Variants in CSMD2 observed in about 807,000 individuals in gnomAD.
The protein encoded by CSMD2 is CUB and sushi domain-containing protein 2.
A neutral mutation model predicts 398.5 loss-of-function variants in CSMD2; 130 were observed. The ratio of observed to expected loss-of-function variants is 0.33; its 90% CI spans 0.28 to 0.38. The LOEUF is 0.38. CSMD2 is among the 10% of genes least tolerant of loss of function. The pLI is 1.00. For synonymous variants in CSMD2, 1,828 were observed against 1,908.5 expected (o/e 0.96, Z 1.10); for missense variants, 3,829 against 4,764.9 (o/e 0.80, Z 5.78).
At position 34,089,272 on chromosome 1, in the gene CSMD2, A is replaced by C. The variant is rs547244439; in HGVS notation, c.188-79T>G. The C allele has an allele frequency of 2.9e-6, 4 of 1,364,068 alleles. No homozygotes were observed. In the South Asian group the frequency reaches 3.7e-5, roughly 13 times the overall value. The allele number at this position is 1,364,068 out of a possible 1,614,324, so 84.5% of individuals were successfully genotyped here. On this transcript the variant is annotated intron_variant, in intron 1 of 70. Transcript: ENST00000373381. ...TCTAGAGAGTCAGGAGCAATGTGTT[A>C]GCAAATCATGAACCCACTTTTCCAA...
chr1:33,559,275 G>C lies in CSMD2; in HGVS notation c.8554+25C>G. Reference sequence around the variant, plus strand: ...CATATAGCAGAGATGGTGGGGACTGGATTGGGAGAGAAAGGGTGACTCACT... The same window carrying C: ...CATATAGCAGAGATGGTGGGGACTGCATTGGGAGAGAAAGGGTGACTCACT... On this transcript the variant is annotated intron_variant, in intron 54 of 70. Coordinates refer to ENST00000373381, the MANE Select transcript of CSMD2 (RefSeq NM_001281956.2). The surrounding 1 kb of genome is among the most constrained non-coding windows in gnomAD (Gnocchi z 4.0). The C allele has an allele frequency of 6.5e-7, 1 of 1,532,164 alleles. No homozygotes were observed. The highest frequency in any genetic ancestry group is 8.7e-7 in the Non-Finnish European group (1 of 1,145,182). The allele number at this position is 1,532,164 out of a possible 1,614,324, so 94.9% of individuals were successfully genotyped here.
chr1:33,623,491 T>C, intron 35 of CSMD2, 25 bp from the exon 36 acceptor site: 2 of 1,572,114 alleles, frequency 1.3e-6, no homozygotes, highest in Non-Finnish European at 1.8e-6. Context: ...GAGTGAATTG[T>C]TGGTTAGGCA....
intron 13 of CSMD2, among the ~76,000 whole-genome samples, chr1:33,758,647 C>G (rs1423725479): frequency 6.6e-6 from 1 of 152,176 alleles, no homozygotes. Flanking sequence ...GTAGATCATA[C>G]TAATTGTTCA....
At chr1:33,953,005 G>T (rs1208261926) in intron 3 of CSMD2, among the ~76,000 whole-genome samples, 1 of 152,146 alleles carries the variant, frequency 6.6e-6, no homozygotes, top group Non-Finnish European at 1.5e-5. Context: ...ATGGCTGCAC[G>T]TGGCAAAAAA....
At chr1:33,958,823 A>G (rs1001358706) in intron 3 of CSMD2, among the ~76,000 whole-genome samples, 10 of 152,182 alleles carry the variant, frequency 6.6e-5, no homozygotes, top group African/African-American at 2.2e-4. Context: ...GACCCATGGA[A>G]ACTGTGCGGT....
chr1:33,913,909 G>C (rs1053678747), intron 5 of CSMD2, among the ~76,000 whole-genome samples: 2 of 152,072 alleles, frequency 1.3e-5, no homozygotes, highest in African/African-American at 4.8e-5. Context: ...TTCTCAGGGG[G>C]CTTCACTTTG....
intron 57 of CSMD2, among the ~76,000 whole-genome samples, chr1:33,543,218 CTTTT>C (rs34198436): frequency 2.0e-5 from 3 of 152,160 alleles, no homozygotes; most frequent in Non-Finnish European, 4.4e-5. Context: ...TTGTTTTTCT[CTTTT>C]TTTAACAGTT....
At chr1:33,967,257 C>CTT (rs563818329) in intron 3 of CSMD2, among the ~76,000 whole-genome samples, 1 of 135,124 alleles carries the variant, frequency 7.4e-6, no homozygotes, top group Non-Finnish European at 1.6e-5. Context: ...ACTTCACAGA[C>CTT]TTTTTTTTTT....
At chr1:33,788,966 C>A (rs1000467136) in intron 11 of CSMD2, among the ~76,000 whole-genome samples, 1 of 152,278 alleles carries the variant, frequency 6.6e-6, no homozygotes, top group South Asian at 2.1e-4. Context: ...AGCCCTGACC[C>A]TTGGGCTCAC....
chr1:33,681,376 G>T (rs1323311149), intron 25 of CSMD2, among the ~76,000 whole-genome samples: 1 of 152,014 alleles, frequency 6.6e-6, no homozygotes, highest in East Asian at 1.9e-4. Flanking sequence ...TCCTAAACTT[G>T]TATTTTCTCT....
intron 6 of CSMD2, among the ~76,000 whole-genome samples, chr1:33,831,939 A>T (rs1659620610): frequency 6.6e-6 from 1 of 151,956 alleles, no homozygotes; most frequent in Non-Finnish European, 1.5e-5. Flanking sequence ...TGGTAAAGGG[A>T]TCAATTCAAC....
intron 3 of CSMD2, among the ~76,000 whole-genome samples, chr1:33,961,958 A>T (rs781726047): frequency 6.6e-6 from 1 of 152,040 alleles, no homozygotes; most frequent in Non-Finnish European, 1.5e-5. Flanking sequence ...GAATACAGGG[A>T]GTTATTAAGA....
intron 3 of CSMD2, among the ~76,000 whole-genome samples, chr1:33,944,317 T>G (rs1318166167): frequency 6.7e-6 from 1 of 149,640 alleles, no homozygotes; most frequent in Non-Finnish European, 1.5e-5. Context: ...GTGGGGCGAG[T>G]GGGCTGCACC....
At chr1:33,799,310 G>A (rs915605902) in intron 10 of CSMD2, among the ~76,000 whole-genome samples, 3 of 152,176 alleles carry the variant, frequency 2.0e-5, no homozygotes, top group Admixed American at 2.0e-4. Context: ...GTTTGCTGAT[G>A]GCTTCCCTAG....
At chr1:34,058,677 G>A (rs1654130242) in intron 2 of CSMD2, among the ~76,000 whole-genome samples, 1 of 152,176 alleles carries the variant, frequency 6.6e-6, no homozygotes, top group African/African-American at 2.4e-5. Flanking sequence ...AGCTCTGAGG[G>A]TCTGAGTGCC....
chr1:33,794,635 A>G (rs546810937), intron 10 of CSMD2, among the ~76,000 whole-genome samples: 30 of 152,366 alleles, frequency 2.0e-4, no homozygotes, highest in African/African-American at 7.2e-4. Context: ...TTTGTCCTAA[A>G]GTCAACGGGG....
chr1:33,713,705 C>T (rs1326559796), intron 21 of CSMD2, among the ~76,000 whole-genome samples: 2 of 152,148 alleles, frequency 1.3e-5, no homozygotes, highest in African/African-American at 4.8e-5. Context: ...CTGCCGCTTG[C>T]TCCAGCTTGG....
At chr1:33,917,253 C>T (rs1052933172) in intron 5 of CSMD2, among the ~76,000 whole-genome samples, 1 of 152,226 alleles carries the variant, frequency 6.6e-6, no homozygotes, top group African/African-American at 2.4e-5. Flanking sequence ...GCAACTAAGG[C>T]TCCAACGATG....
chr1:34,012,495 A>G (rs12041863), intron 3 of CSMD2, among the ~76,000 whole-genome samples: 68,217 of 151,684 alleles, frequency 0.45, 15,574 homozygotes, highest in East Asian at 0.58. Flanking sequence ...AGGCTGGAGT[A>G]CAATGGCGTG....
Sources: allele counts gnomAD v4.1 joint callset (sites outside exome capture counted in the v4.1 genomes callset), GRCh38; gene constraint gnomAD v4.1.1; non-coding constraint Gnocchi (gnomAD v3.1); transcripts MANE v1.5; gene names NCBI Gene and HGNC (gene_info 2026-07-23, HGNC 2026-07-21).